Variants in VDAC3 observed in about 807,000 individuals in gnomAD.
VDAC3 encodes non-selective voltage-gated ion channel VDAC3.
VDAC3 carries 7 observed loss-of-function variants against 33.9 expected under a neutral mutation model. The observed-to-expected ratio is 0.21, with a 90% CI of 0.12 to 0.39. The LOEUF (loss-of-function observed/expected upper bound fraction) is 0.39, where lower values mean the gene tolerates loss of function less well. VDAC3 is among the 10% of genes least tolerant of loss of function. The probability of loss-of-function intolerance (pLI) is 1.00; values close to 1 mark genes in which losing one functional copy is unlikely to be tolerated. For synonymous variants in VDAC3, 100 were observed against 122.4 expected, an observed-to-expected ratio of 0.82 and a Z score of 1.21; for missense variants, 261 against 334.5, an observed-to-expected ratio of 0.78 and a Z score of 1.71.
At chr8:42,397,225 A>C (rs374407553) in intron 4 of VDAC3, 1 of 152,720 alleles carries the variant, frequency 6.5e-6, no homozygotes, top group African/African-American at 2.4e-5. Flanking sequence ...AATGATTGTC[A>C]CGTTAAAATA....
rs1405676870 is a variant in VDAC3, at chr8:42,398,613, A to G, written c.118-99A>G. The G allele has an allele frequency of 1.0e-5, 13 of 1,294,272 alleles. No homozygotes were observed. The South Asian group carries it at 1.9e-4, about 19-fold the overall frequency. The allele number at this position is 1,294,272 out of a possible 1,614,324, so 80.2% of individuals were successfully genotyped here. A position where few individuals can be genotyped will look rare whatever the true frequency, so the allele number is the denominator to read the frequency against. ...TAGAGTAGGGCTGTGGCAAGCAGTA[A>G]ATGGTATTGTTTTTGATACATTGAA... On this transcript the variant is annotated intron_variant, in intron 4 of 9. Transcript: ENST00000022615.
intron 7 of VDAC3, among the ~76,000 whole-genome samples, chr8:42,402,559 G>A (rs948596463): frequency 3.3e-5 from 5 of 152,198 alleles, no homozygotes; most frequent in African/African-American, 9.7e-5. Flanking sequence ...CACCATGTTG[G>A]TGGGATGAAT....
Position 42,405,694 on chromosome 8 carries a change from T to C in VDAC3, c.*232T>C. ...TTTGTGCCACGTTTCAGTTCAGTTCTGAAGTGTTATTAAATGTGTTCCTCA... is the reference window on the plus strand; with the variant it reads ...TTTGTGCCACGTTTCAGTTCAGTTCCGAAGTGTTATTAAATGTGTTCCTCA... On this transcript the variant is annotated 3_prime_UTR_variant, in exon 10 of 10. Coordinates refer to ENST00000022615, the MANE Select transcript of VDAC3 (RefSeq NM_005662.7). 1 of 469,386 alleles carries C rather than the reference T, an allele frequency of 2.1e-6. No homozygotes were observed. The allele number at this position is 469,386 out of a possible 1,614,324, so 29.1% of individuals were successfully genotyped here.
In VDAC3 at chr8:42,405,091, A is replaced by G. The variant is rs190744956; in HGVS notation, c.760+167A>G. Among the ~76,000 whole-genome samples, 461 of 152,344 alleles carry G rather than the reference A, an allele frequency of 3.0e-3. 1 individual carries two copies. The highest frequency in any genetic ancestry group is 0.011 in the African/African-American group (444 of 41,582). On this transcript the variant is annotated intron_variant, in intron 9 of 9. Coordinates refer to ENST00000022615, the MANE Select transcript of VDAC3 (RefSeq NM_005662.7). ...TACAGATCAAATACTTTTGCATTAA[A>G]AAAGTATGTATTTCTGACTATAATG...
At chr8:42,394,383 C>T (rs897507591) in intron 3 of VDAC3, 105 bp downstream of exon 3, 2 of 980,646 alleles carry the variant, frequency 2.0e-6, no homozygotes, top group African/African-American at 1.6e-5. Context: ...CAGCATTATT[C>T]CACTTCACAA....
At chr8:42,405,263 G>C (rs373203963) in intron 9 of VDAC3, 108 bp from the exon 10 acceptor site, 2 of 861,192 alleles carry the variant, frequency 2.3e-6, no homozygotes, top group Non-Finnish European at 3.7e-6. Flanking sequence ...CTTATAGCTC[G>C]TATACCCAGC....
In VDAC3 at chr8:42,405,774, C is replaced by G. The variant is rs1802490909; in HGVS notation, c.*312C>G. The G allele has an allele frequency of 3.9e-6, 1 of 253,344 alleles. No individual in the cohort carries two copies. The highest frequency in any genetic ancestry group is 5.2e-5 in the Admixed American group (1 of 19,222). The allele number at this position is 253,344 out of a possible 1,614,324, so 15.7% of individuals were successfully genotyped here. On this transcript the variant is annotated 3_prime_UTR_variant, in exon 10 of 10. Transcript: ENST00000022615. Reference sequence around the variant, plus strand: ...CGATCTGACCCACCAGTTTGTACATCACGTCCTGCATGTCCCACACCATTT... The same window carrying G: ...CGATCTGACCCACCAGTTTGTACATGACGTCCTGCATGTCCCACACCATTT...
intron 7 of VDAC3, 27 bp from the exon 8 acceptor site, chr8:42,403,284 A>G (rs1161544225): frequency 6.2e-7 from 1 of 1,612,764 alleles, no homozygotes; most frequent in Non-Finnish European, 8.5e-7. Context: ...CTAGATATTT[A>G]TGACGTTTTC....
intron 7 of VDAC3, 144 bp from the exon 8 acceptor site, chr8:42,403,167 A>C: frequency 1.2e-6 from 1 of 839,118 alleles, no homozygotes; most frequent in Non-Finnish European, 1.8e-6. Flanking sequence ...TGTTTTGTTT[A>C]GTAGTCATTT....
chr8:42,404,949 G>A (rs1396749440), intron 9 of VDAC3, 25 bp downstream of exon 9: 2 of 1,606,388 alleles, frequency 1.2e-6, no homozygotes, highest in Admixed American at 3.3e-5. Flanking sequence ...TAGTAACAGA[G>A]GGGTTGAGGT....
chr8:42,398,462 A>T (rs923564498), intron 4 of VDAC3, among the ~76,000 whole-genome samples: 1 of 152,100 alleles, frequency 6.6e-6, no homozygotes, highest in Non-Finnish European at 1.5e-5. Flanking sequence ...TCCTGGACTC[A>T]AGGGATCCAC....
intron 9 of VDAC3, 96 bp from the exon 10 acceptor site, chr8:42,405,275 A>G: frequency 9.9e-7 from 1 of 1,010,898 alleles, no homozygotes; most frequent in Non-Finnish European, 1.5e-6. Flanking sequence ...ATACCCAGCT[A>G]CAATCCACAC....
At chr8:42,398,961 C>G in intron 5 of VDAC3, 97 bp downstream of exon 5, 1 of 1,408,814 alleles carries the variant, frequency 7.1e-7, no homozygotes, top group South Asian at 1.4e-5. Flanking sequence ...ATCTTACAAC[C>G]TATCTAGTAG....
intron 1 of VDAC3, among the ~76,000 whole-genome samples, chr8:42,393,034 G>A (rs1009690227): frequency 5.3e-5 from 8 of 152,174 alleles, no homozygotes; most frequent in African/African-American, 1.9e-4. Context: ...ACTATGGAAT[G>A]AGTCAGTACA....
intron 6 of VDAC3, among the ~76,000 whole-genome samples, chr8:42,400,380 T>C (rs1020745495): frequency 2.0e-5 from 3 of 151,632 alleles, no homozygotes; most frequent in African/African-American, 4.8e-5. Context: ...CCCTCTCTTA[T>C]GGTGCTGAAA....
intron 8 of VDAC3, among the ~76,000 whole-genome samples, chr8:42,404,590 C>T (rs1444389413): frequency 4.0e-5 from 6 of 151,736 alleles, no homozygotes; most frequent in African/African-American, 1.2e-4. Flanking sequence ...GGCATGGGGG[C>T]GCATGCCTGT....
intron 4 of VDAC3, among the ~76,000 whole-genome samples, chr8:42,398,498 G>A (rs1802356881): frequency 6.6e-6 from 1 of 152,172 alleles, no homozygotes; most frequent in African/African-American, 2.4e-5. Flanking sequence ...AACATGCTGG[G>A]ATTACAGGCA....
Position 42,401,730 on chromosome 8 carries a change from C to T in VDAC3, c.324-58C>T, listed in dbSNP as rs1033568323. 22 of 1,517,990 alleles carry T rather than the reference C, an allele frequency of 1.4e-5. No homozygotes were observed. The Admixed American group carries it at 1.7e-4, about 12-fold the overall frequency. 94.0% of individuals were successfully genotyped at this position (1,517,990 alleles called of 1,614,324 possible). A position where few individuals can be genotyped will look rare whatever the true frequency, so the allele number is the denominator to read the frequency against. On this transcript the variant is annotated intron_variant, in intron 6 of 9. Transcript: ENST00000022615. ...GGATCTTACTCTAAAAATTCCTAGACAGTAGTAAGAACTCATGTTGTTTTC... is the reference window on the plus strand; with the variant it reads ...GGATCTTACTCTAAAAATTCCTAGATAGTAGTAAGAACTCATGTTGTTTTC...
chr8:42,399,766 A>C, intron 6 of VDAC3, 63 bp downstream of exon 6: 1 of 1,499,602 alleles, frequency 6.7e-7, no homozygotes. Flanking sequence ...AGAGCTTTAG[A>C]ATAAGGAGAT....
Sources: gnomAD v4.1 joint callset for allele counts (sites outside exome capture counted in the v4.1 genomes callset) on GRCh38, gnomAD v4.1.1 for gene constraint, MANE v1.5 for transcripts, NCBI Gene and HGNC (gene_info 2026-07-23, HGNC 2026-07-21) for gene names.